The following KHDRBS2 variants were observed in gnomAD, a reference collection of about 807,000 sequenced individuals.
KHDRBS2 encodes the protein KH RNA binding domain containing, signal transduction associated 2, also known as KH domain-containing, RNA-binding, signal transduction-associated protein 2.
A neutral mutation model predicts 44.3 loss-of-function variants in KHDRBS2; 26 were observed. The observed-to-expected ratio is 0.59, with a 90% CI of 0.43 to 0.81. The LOEUF (loss-of-function observed/expected upper bound fraction) is 0.81, where lower values mean the gene tolerates loss of function less well. Among genes scored for constraint, KHDRBS2 ranks in the 40% least tolerant of loss-of-function variants. The probability of loss-of-function intolerance (pLI) is 0.00; values close to 1 mark genes in which losing one functional copy is unlikely to be tolerated. For missense variants in KHDRBS2, 476 were observed against 433.1 expected (o/e 1.10, Z -0.88); for synonymous variants, 194 against 151.1 (o/e 1.28, Z -2.08).
Position 61,693,578 on chromosome 6 carries a change from T to A in KHDRBS2, c.952+3617A>T, listed in dbSNP as rs563904737. 4.0e-4 allele frequency among the ~76,000 whole-genome samples: 61 copies of A among 152,324 alleles called. No homozygotes were observed. The South Asian group carries it at 8.9e-3, about 22-fold the overall frequency. The stretch of plus-strand genomic sequence containing the variant: ...ATACAAGTTATTAGGTAAAAATTGC[T>A]GCCTAATTAATATCTTCCTTATTCT... On this transcript the variant is annotated intron_variant, in intron 8 of 8. Transcript: ENST00000281156.
chr6:61,863,758 G>T (rs1192191936), intron 6 of KHDRBS2, among the ~76,000 whole-genome samples: 1 of 152,114 alleles, frequency 6.6e-6, no homozygotes, highest in Non-Finnish European at 1.5e-5. Flanking sequence ...TATATATTCT[G>T]TTGTTTCTGG....
chr6:61,769,382 C>T (rs1780487143), intron 6 of KHDRBS2, among the ~76,000 whole-genome samples: 1 of 152,152 alleles, frequency 6.6e-6, no homozygotes, highest in South Asian at 2.1e-4. Context: ...ACCTGGAAAG[C>T]ACAAGGGGTC....
chr6:61,652,378 G>C, the KHDRBS2 span: 2 of 151,832 alleles, frequency 1.3e-5, no homozygotes, highest in Non-Finnish European at 2.9e-5. Context: ...TCATAGGTAT[G>C]ATGTGATTTT....
chr6:61,749,025 T>G (rs1777263489), intron 6 of KHDRBS2, among the ~76,000 whole-genome samples: 1 of 142,514 alleles, frequency 7.0e-6, no homozygotes, highest in Non-Finnish European at 1.5e-5. Flanking sequence ...TTTTTTTTTT[T>G]TTTTTGAGAC....
At chr6:61,624,295 G>C in the KHDRBS2 span, among the ~76,000 whole-genome samples, 3 of 152,160 alleles carry the variant, frequency 2.0e-5, no homozygotes, top group African/African-American at 4.8e-5. Flanking sequence ...CTATACACTG[G>C]CTCTGTGGCC....
At chr6:61,999,716 G>A (rs1185333086) in intron 3 of KHDRBS2, among the ~76,000 whole-genome samples, 1 of 151,944 alleles carries the variant, frequency 6.6e-6, no homozygotes, top group Non-Finnish European at 1.5e-5. Context: ...AGCACAAAAT[G>A]AATTTTAAAG....
At chr6:61,795,144 C>CAAAAAA (rs1166333660) in intron 6 of KHDRBS2, among the ~76,000 whole-genome samples, 2 of 59,666 alleles carry the variant, frequency 3.4e-5, no homozygotes, top group African/African-American at 6.2e-5. Flanking sequence ...GACTCCGTCT[C>CAAAAAA]AAAAAAAAAA....
intron 3 of KHDRBS2, among the ~76,000 whole-genome samples, chr6:62,029,559 C>T (rs182780842): frequency 3.2e-4 from 49 of 151,966 alleles, no homozygotes; most frequent in African/African-American, 1.2e-3. Flanking sequence ...GTGCAATAGG[C>T]CACGGAGACA....
chr6:61,683,864 C>T (rs538091401), intron 8 of KHDRBS2, among the ~76,000 whole-genome samples: 30 of 151,894 alleles, frequency 2.0e-4, no homozygotes, highest in African/African-American at 6.3e-4. Flanking sequence ...GATACTTGTA[C>T]GTGGAAAAGT....
chr6:62,105,758 T>A (rs1803077195), intron 2 of KHDRBS2, among the ~76,000 whole-genome samples: 1 of 152,118 alleles, frequency 6.6e-6, no homozygotes, highest in African/African-American at 2.4e-5. Context: ...TTTGAAGGGT[T>A]TTTTGTGTCT....
chr6:62,159,949 A>G (rs187187177), intron 2 of KHDRBS2, among the ~76,000 whole-genome samples: 1 of 152,102 alleles, frequency 6.6e-6, no homozygotes, highest in African/African-American at 2.4e-5. Flanking sequence ...AGGTGAAAGA[A>G]AATCCATGCA....
chr6:61,928,255 T>G (rs192327392), intron 4 of KHDRBS2, among the ~76,000 whole-genome samples: 14 of 152,266 alleles, frequency 9.2e-5, no homozygotes, highest in African/African-American at 3.1e-4. Flanking sequence ...GTATTCAAAT[T>G]TATGCTTGCT....
At chr6:61,599,709 G>T in the KHDRBS2 span, among the ~76,000 whole-genome samples, 1 of 152,146 alleles carries the variant, frequency 6.6e-6, no homozygotes, top group African/African-American at 2.4e-5. Flanking sequence ...TCATGGATGG[G>T]ATTTCTTATA....
chr6:61,979,284 A>T (rs931210302), intron 3 of KHDRBS2, among the ~76,000 whole-genome samples: 1 of 152,128 alleles, frequency 6.6e-6, no homozygotes, highest in African/African-American at 2.4e-5. Context: ...AGTTAACATA[A>T]ATAACATTAA....
intron 6 of KHDRBS2, among the ~76,000 whole-genome samples, chr6:61,848,203 T>C (rs908951481): frequency 1.3e-5 from 2 of 151,742 alleles, no homozygotes; most frequent in African/African-American, 2.4e-5. Context: ...CAGGAAACTG[T>C]CTTTTCAACA....
chr6:61,695,376 G>A (rs1451603237), intron 8 of KHDRBS2, among the ~76,000 whole-genome samples: 1 of 152,132 alleles, frequency 6.6e-6, no homozygotes, highest in East Asian at 1.9e-4. Flanking sequence ...CAATATAAGT[G>A]TGCATCCCAA....
chr6:61,689,463 G>A (rs1767160204), intron 8 of KHDRBS2, among the ~76,000 whole-genome samples: 1 of 151,930 alleles, frequency 6.6e-6, no homozygotes, highest in Admixed American at 6.6e-5. Context: ...TGGAAATTTT[G>A]TGGAAAACTG....
At chr6:61,980,157 A>G (rs1466516229) in intron 3 of KHDRBS2, among the ~76,000 whole-genome samples, 1 of 152,162 alleles carries the variant, frequency 6.6e-6, no homozygotes, top group Non-Finnish European at 1.5e-5. Flanking sequence ...ATCTTCCATA[A>G]GCAGTGTATC....
the KHDRBS2 span, among the ~76,000 whole-genome samples, chr6:61,576,654 T>C: frequency 4.6e-5 from 7 of 152,276 alleles, no homozygotes; most frequent in Non-Finnish European, 8.8e-5. Flanking sequence ...GAAATAGCTT[T>C]ATTGAGATGT....
Sources: allele counts gnomAD v4.1 joint callset (sites outside exome capture counted in the v4.1 genomes callset), GRCh38; gene constraint gnomAD v4.1.1; transcripts MANE v1.5; gene names NCBI Gene and HGNC (gene_info 2026-07-23, HGNC 2026-07-21).